The following KRT8 variants were observed in gnomAD, a reference collection of about 807,000 sequenced individuals.
KRT8 encodes keratin, type II cytoskeletal 8.
Under a neutral mutation model 43.0 loss-of-function variants are expected in KRT8, and 24 were observed. The ratio of observed to expected loss-of-function variants is 0.56; its 90% CI spans 0.40 to 0.78. The LOEUF (loss-of-function observed/expected upper bound fraction) is 0.78. Ranked by LOEUF, KRT8 falls within the 30% of genes least tolerant of loss-of-function variation. The pLI is 0.00. For synonymous variants in KRT8, 214 were observed against 261.2 expected (o/e 0.82, Z 1.74); for missense variants, 492 against 638.4 (o/e 0.77, Z 2.47).
chr12:52,902,300 CAGGTA>C, intron 1 of KRT8: 1 of 571,960 alleles, frequency 1.7e-6, no homozygotes, highest in Non-Finnish European at 3.1e-6. Flanking sequence ...GGGAAGGAGA[CAGGTA>C]AGGTAATTAT....
upstream of KRT8, among the ~76,000 whole-genome samples, chr12:52,908,986 C>A (rs978108847): frequency 6.6e-6 from 1 of 151,890 alleles, no homozygotes; most frequent in East Asian, 1.9e-4. Context: ...CTCTAGCCTG[C>A]GTGGGAGACA....
chr12:52,948,288 T>C (rs1313874310), intron 2 of KRT8: 2 of 151,974 alleles, frequency 1.3e-5, no homozygotes, highest in African/African-American at 4.8e-5. Flanking sequence ...GGGGTGTGAG[T>C]GTGTAAGCAA....
chr12:52,926,439 A>T, intron 2 of KRT8: 1 of 1,530,476 alleles, frequency 6.5e-7, no homozygotes. Context: ...GCTCCAGCTC[A>T]CCCCATTCAT....
chr12:52,941,065 TA>T (rs1326070291), intron 2 of KRT8, among the ~76,000 whole-genome samples: 2 of 119,194 alleles, frequency 1.7e-5, no homozygotes, highest in East Asian at 5.4e-4. Context: ...ATCAATACAT[TA>T]ATTTTTTTTT....
chr12:52,943,487 T>TC (rs1426202925), intron 2 of KRT8, among the ~76,000 whole-genome samples: 2 of 152,182 alleles, frequency 1.3e-5, no homozygotes, highest in Non-Finnish European at 2.9e-5. Context: ...TGTCTCTTCC[T>TC]CTTCTTCTTG....
intron 2 of KRT8, chr12:52,926,332 G>GCCCCCCCC: frequency 2.3e-5 from 14 of 600,248 alleles, no homozygotes; most frequent in South Asian, 3.2e-5. Flanking sequence ...GGCACTAGCT[G>GCCCCCCCC]CCCTCCCCAC....
At chr12:52,939,304 G>C (rs895045645) in intron 2 of KRT8, among the ~76,000 whole-genome samples, 1 of 151,784 alleles carries the variant, frequency 6.6e-6, no homozygotes, top group Non-Finnish European at 1.5e-5. Context: ...TCAGGAGTTC[G>C]ACACCAGCCT....
At chr12:52,922,782 C>T (rs1309601774) in intron 2 of KRT8, among the ~76,000 whole-genome samples, 1 of 152,238 alleles carries the variant, frequency 6.6e-6, no homozygotes, top group East Asian at 1.9e-4. Context: ...CATGTAGCAT[C>T]TAAGTGCTAG....
chr12:52,914,871 G>A (rs1486800884), intron 2 of KRT8, among the ~76,000 whole-genome samples: 2 of 152,250 alleles, frequency 1.3e-5, no homozygotes, highest in East Asian at 1.9e-4. Context: ...CAGGAAGGGC[G>A]ACCACTAAGG....
upstream of KRT8, among the ~76,000 whole-genome samples, chr12:52,907,849 G>C (rs932791149): frequency 1.1e-4 from 17 of 152,340 alleles, no homozygotes; most frequent in African/African-American, 3.8e-4. Flanking sequence ...GAAGGAGAAG[G>C]CCCCTGGGAC....
At chr12:52,919,038 A>C (rs1334345730) in intron 2 of KRT8, among the ~76,000 whole-genome samples, 2 of 152,046 alleles carry the variant, frequency 1.3e-5, no homozygotes, top group Admixed American at 1.3e-4. Context: ...TATAAGGAGG[A>C]GCTTATAGGA....
upstream of KRT8, among the ~76,000 whole-genome samples, chr12:52,910,155 T>C (rs1941605328): frequency 1.3e-5 from 2 of 152,174 alleles, no homozygotes; most frequent in South Asian, 2.1e-4. Flanking sequence ...GCATGAAGCC[T>C]AGGCGGAAGG....
At chr12:52,907,874 G>A (rs898482631), upstream of KRT8, among the ~76,000 whole-genome samples, 2 of 152,212 alleles carry the variant, frequency 1.3e-5, no homozygotes, top group Non-Finnish European at 2.9e-5. Flanking sequence ...GCCAAGTGGT[G>A]AGGGAAGAGA....
At chr12:52,926,554 A>C in intron 2 of KRT8, 1 of 1,134,368 alleles carries the variant, frequency 8.8e-7, no homozygotes, top group Non-Finnish European at 1.3e-6. Flanking sequence ...GACCCCAAGA[A>C]TAGGGCTTTG....
At chr12:52,926,560 C>T (rs1042878466) in intron 2 of KRT8, 10 of 1,045,332 alleles carry the variant, frequency 9.6e-6, no homozygotes, top group Non-Finnish European at 1.3e-5. Flanking sequence ...AAGAATAGGG[C>T]TTTGTTACAC....
chr12:52,908,157 G>A (rs1420952956), upstream of KRT8, among the ~76,000 whole-genome samples: 1 of 152,210 alleles, frequency 6.6e-6, no homozygotes, highest in African/African-American at 2.4e-5. Context: ...ATTAAGTCTT[G>A]GGGCCAGTGG....
At chr12:52,923,467 T>C (rs1429415526) in intron 2 of KRT8, among the ~76,000 whole-genome samples, 3 of 152,228 alleles carry the variant, frequency 2.0e-5, no homozygotes, top group Non-Finnish European at 2.9e-5. Context: ...TTGCCCAGGT[T>C]GGAGTACAGT....
chr12:52,942,522 C>T (rs906192594), intron 2 of KRT8, among the ~76,000 whole-genome samples: 1 of 152,218 alleles, frequency 6.6e-6, no homozygotes, highest in Non-Finnish European at 1.5e-5. Flanking sequence ...CCCCATCTCA[C>T]GCTCCTGTGC....
At chr12:52,918,256 G>A (rs541953163) in intron 2 of KRT8, among the ~76,000 whole-genome samples, 56 of 150,138 alleles carry the variant, frequency 3.7e-4, no homozygotes, top group Non-Finnish European at 6.7e-4. Flanking sequence ...AGAAGAAGAA[G>A]AAACAAAACA....
Sources: gnomAD v4.1 joint callset for allele counts (sites outside exome capture counted in the v4.1 genomes callset) on GRCh38, gnomAD v4.1.1 for gene constraint, MANE v1.5 for transcripts, NCBI Gene and HGNC (gene_info 2026-07-23, HGNC 2026-07-21) for gene names.